Variants in CHSY1 observed in about 807,000 individuals in gnomAD.
CHSY1 encodes the protein chondroitin sulfate synthase 1, also known as N-acetylgalactosaminyl-proteoglycan 3-beta-glucuronosyltransferase 1.
Under a neutral mutation model 59.8 loss-of-function variants are expected in CHSY1, and 13 were observed. The observed-to-expected ratio is 0.22, with a 90% confidence interval of 0.14 to 0.35. CHSY1 has a LOEUF of 0.35. Ranked by LOEUF, CHSY1 falls within the 10% of genes least tolerant of loss-of-function variation. CHSY1 has a pLI of 1.00. For missense variants in CHSY1, 947 were observed against 1,030.6 expected (o/e 0.92, Z 1.11); for synonymous variants, 459 against 401.2 (o/e 1.14, Z -1.72).
chr15:101,186,268 C>T (rs893091353), intron 2 of CHSY1, among the ~76,000 whole-genome samples: 1 of 151,018 alleles, frequency 6.6e-6, no homozygotes, highest in African/African-American at 2.4e-5. Context: ...TGCAGTGAGC[C>T]GAGATCGTGC....
chr15:101,205,990 C>T (rs939646871), intron 2 of CHSY1, among the ~76,000 whole-genome samples: 1 of 152,100 alleles, frequency 6.6e-6, no homozygotes, highest in Non-Finnish European at 1.5e-5. Flanking sequence ...ATTTGCTCTA[C>T]CCCATGATCC....
intron 2 of CHSY1, among the ~76,000 whole-genome samples, chr15:101,181,530 GC>G (rs2141239088): frequency 6.6e-6 from 1 of 152,284 alleles, no homozygotes; most frequent in East Asian, 1.9e-4. Context: ...TTCCTTCTTT[GC>G]CCTGCAGGAA....
rs562014753 is a variant in CHSY1, at chr15:101,247,434, A to G, written c.320+3703T>C. 9.9e-5 allele frequency among the ~76,000 whole-genome samples: 15 copies of G among 152,268 alleles called. 1 individual carries two copies. In the East Asian group the frequency reaches 2.7e-3, roughly 27 times the overall value. On this transcript the variant is annotated intron_variant, in intron 1 of 2. Transcript: ENST00000254190. Reference sequence around the variant, plus strand: ...CTGTTCTATTTTCTCTACAGCATCCATCACTAGCAGAAACCCTCTTTTTAG... The same window carrying G: ...CTGTTCTATTTTCTCTACAGCATCCGTCACTAGCAGAAACCCTCTTTTTAG...
intron 2 of CHSY1, among the ~76,000 whole-genome samples, chr15:101,211,798 GA>G (rs2038685017): frequency 6.6e-6 from 1 of 151,102 alleles, no homozygotes; most frequent in Non-Finnish European, 1.5e-5. Context: ...GATTTCATCA[GA>G]AAATAACTGA....
In CHSY1 at chr15:101,250,084, A is replaced by C. The variant is rs77330447; in HGVS notation, c.320+1053T>G. Reference sequence around the variant, plus strand: ...AAAATCTGACCAAGACTGCATTTAAAAACTGAAGTGTAAAGGTATTGGTTA... The same window carrying C: ...AAAATCTGACCAAGACTGCATTTAACAACTGAAGTGTAAAGGTATTGGTTA... On this transcript the variant is annotated intron_variant, in intron 1 of 2. Coordinates refer to ENST00000254190, the MANE Select transcript of CHSY1 (RefSeq NM_014918.5). Among the ~76,000 whole-genome samples the C allele has an allele frequency of 1.7e-3, 256 of 152,340 alleles. 5 individuals are homozygous for C. The East Asian group carries it at 0.044, about 26-fold the overall frequency.
In CHSY1 at chr15:101,177,508, G is replaced by A. The variant is rs771901494; in HGVS notation, c.2289C>T (p.Cys763=). 3.1e-6 allele frequency: 5 copies of A among 1,613,200 alleles called. No homozygotes were observed. In the Admixed American group the frequency reaches 5.0e-5, roughly 16 times the overall value. Residue 763 remains cysteine, a synonymous_variant, in exon 3 of 3, where the codon TGC becomes TGT. Transcript: ENST00000254190. ...PNLDPKQYKM[C]LGSKASTYGS... Reference sequence around the variant, plus strand: ...CATAGGTCGATGCTTTGGACCCCAAGCACATTTTGTACTGTTTGGGGTCAA... The same window carrying A: ...CATAGGTCGATGCTTTGGACCCCAAACACATTTTGTACTGTTTGGGGTCAA...
At chr15:101,209,214 A>C (rs1197702347) in intron 2 of CHSY1, among the ~76,000 whole-genome samples, 1 of 152,254 alleles carries the variant, frequency 6.6e-6, no homozygotes, top group African/African-American at 2.4e-5. Flanking sequence ...TAGGATACAA[A>C]GAGAACACAG....
At chr15:101,241,025 A>G (rs2038995832) in intron 1 of CHSY1, among the ~76,000 whole-genome samples, 1 of 152,198 alleles carries the variant, frequency 6.6e-6, no homozygotes, top group Non-Finnish European at 1.5e-5. Context: ...AAATAAAATA[A>G]CGTACAACTC....
At chr15:101,179,252 A>G (rs777244059) in intron 2 of CHSY1, among the ~76,000 whole-genome samples, 1 of 152,230 alleles carries the variant, frequency 6.6e-6, no homozygotes, top group South Asian at 2.1e-4. Context: ...ATGAAAACAT[A>G]TAAAATTGAG....
At chr15:101,186,033 T>C (rs1259519966) in intron 2 of CHSY1, among the ~76,000 whole-genome samples, 4 of 151,452 alleles carry the variant, frequency 2.6e-5, no homozygotes, top group Non-Finnish European at 4.4e-5. Flanking sequence ...CAACAGGAAA[T>C]TGTTGAAGTC....
At chr15:101,247,006 C>T (rs1410112570) in intron 1 of CHSY1, among the ~76,000 whole-genome samples, 1 of 152,144 alleles carries the variant, frequency 6.6e-6, no homozygotes, top group Non-Finnish European at 1.5e-5. Flanking sequence ...CATTTTAAAG[C>T]GAAATTACCT....
chr15:101,221,886 T>C (rs1400529577), intron 2 of CHSY1, among the ~76,000 whole-genome samples: 1 of 131,714 alleles, frequency 7.6e-6, no homozygotes, highest in Non-Finnish European at 1.6e-5. Context: ...TTTGTACTTT[T>C]TTTTTTTAAA....
chr15:101,212,348 A>G (rs2038689922), intron 2 of CHSY1, among the ~76,000 whole-genome samples: 2 of 152,238 alleles, frequency 1.3e-5, no homozygotes, highest in African/African-American at 4.8e-5. Flanking sequence ...AAATGTCCAC[A>G]AACAAAATCT....
At chr15:101,242,188 T>C (rs1349544661) in intron 1 of CHSY1, among the ~76,000 whole-genome samples, 7 of 151,412 alleles carry the variant, frequency 4.6e-5, no homozygotes, top group Non-Finnish European at 1.0e-4. Flanking sequence ...ACCAAAATCA[T>C]ACAGGATGAG....
At chr15:101,234,677 G>A (rs1473285708) in intron 2 of CHSY1, among the ~76,000 whole-genome samples, 1 of 152,176 alleles carries the variant, frequency 6.6e-6, no homozygotes, top group African/African-American at 2.4e-5. Flanking sequence ...GACCAGCCTG[G>A]CCAGCATGGT....
rs1300643211 is a variant in CHSY1, at chr15:101,177,989, G to A, written c.1808C>T (p.Pro603Leu). The A allele has an allele frequency of 5.0e-6, 8 of 1,614,082 alleles. No individual in the cohort carries two copies. Among genetic ancestry groups the A allele is most frequent in the Non-Finnish European group, 6.8e-6 (8 of 1,180,044 alleles). ...GGCTCTTGAAAACTCTCCAGACACA[G>A]GCAAAATCTGCATGTCGGCTTTAGG... ...KYPKADMQILPVSGEFSRALA... is the reference protein window; with the variant it reads ...KYPKADMQILLVSGEFSRALA... Residue 603 changes from proline (P) to leucine (L), a missense_variant, in exon 3 of 3, where the codon CCT becomes CTT. Pro to Leu is a moderately conservative substitution (Grantham distance 98, BLOSUM62 -3). Transcript: ENST00000254190.
intron 1 of CHSY1, among the ~76,000 whole-genome samples, chr15:101,246,677 A>G (rs189728564): frequency 4.0e-4 from 61 of 152,304 alleles, no homozygotes; most frequent in Admixed American, 2.5e-3. Context: ...CTGCGACCAC[A>G]TACTATTTGG....
chr15:101,223,451 T>C (rs1273443823), intron 2 of CHSY1, among the ~76,000 whole-genome samples: 4 of 152,254 alleles, frequency 2.6e-5, no homozygotes, highest in Admixed American at 1.3e-4. Context: ...AAATATCTTA[T>C]AGTTTTAGCT....
At chr15:101,214,003 G>T (rs921386625) in intron 2 of CHSY1, among the ~76,000 whole-genome samples, 1 of 152,190 alleles carries the variant, frequency 6.6e-6, no homozygotes, top group Non-Finnish European at 1.5e-5. Flanking sequence ...AGATAGCCCA[G>T]GCATGGAAAA....
Sources: allele counts gnomAD v4.1 joint callset (sites outside exome capture counted in the v4.1 genomes callset), GRCh38; gene constraint gnomAD v4.1.1; transcripts MANE v1.5; gene names NCBI Gene and HGNC (gene_info 2026-07-23, HGNC 2026-07-21).